Variants in CYP1B1 observed in about 807,000 individuals in gnomAD.
The protein encoded by CYP1B1 is cytochrome P450 family 1 subfamily B member 1.
A neutral mutation model predicts 29.9 loss-of-function variants in CYP1B1; 22 were observed. The ratio of observed to expected loss-of-function variants is 0.74; its 90% CI spans 0.53 to 1.05. The LOEUF (loss-of-function observed/expected upper bound fraction) is 1.05. CYP1B1 is among the 50% of genes least tolerant of loss of function. The probability of loss-of-function intolerance (pLI) is 0.00; values close to 1 mark genes in which losing one functional copy is unlikely to be tolerated. For missense variants in CYP1B1, 883 were observed against 746.9 expected, an observed-to-expected ratio of 1.18 and a Z score of -2.12; for synonymous variants, 375 against 320.0, an observed-to-expected ratio of 1.17 and a Z score of -1.83.
At chr2:38,073,164 C>T (rs1174661577) in intron 2 of CYP1B1, among the ~76,000 whole-genome samples, 1 of 152,144 alleles carries the variant, frequency 6.6e-6, no homozygotes, top group Non-Finnish European at 1.5e-5. Context: ...GATTTTAATA[C>T]TAAAAAGCCA....
Position 38,074,375 on chromosome 2 carries a change from C to G in CYP1B1, c.1014G>C (p.Ala338=), listed in dbSNP as rs967256395. 1.2e-6 allele frequency: 2 copies of G among 1,613,618 alleles called. No individual in the cohort carries two copies. Among genetic ancestry groups the G allele is most frequent in the Admixed American group, 3.3e-5 (2 of 60,026 alleles). ...FGASQDTLST[A]LQWLLLLFTR... ...TGAAGAGGAGGAGCAGCCACTGCAG[C>G]GCGGTGGACAGGGTGTCCTGGCTGG... is the stretch of plus-strand genomic sequence containing the variant. Residue 338 remains alanine (A), a synonymous_variant, in exon 2 of 3, where the codon GCG becomes GCC. Transcript: ENST00000610745.
chr2:38,070,464 A>T lies in CYP1B1; in HGVS notation c.*258T>A, dbSNP rs745776840. 1.3e-4 allele frequency: 66 copies of T among 515,354 alleles called. No individual in the cohort carries two copies. The highest frequency in any genetic ancestry group is 2.1e-4 in the Non-Finnish European group (59 of 286,662). 31.9% of individuals were successfully genotyped at this position (515,354 alleles called of 1,614,324 possible). ...AATGCTACCTTCAGAAATAACCAAGATGCAGTATGTATATAATAATTCATT... is the reference window on the plus strand; with the variant it reads ...AATGCTACCTTCAGAAATAACCAAGTTGCAGTATGTATATAATAATTCATT... On this transcript the variant is annotated 3_prime_UTR_variant, in exon 3 of 3. Transcript: ENST00000610745.
At position 38,068,062 on chromosome 2, in the gene CYP1B1, A is replaced by G. The variant is rs886055987; in HGVS notation, c.*2660T>C. ...ACATCTTTTTGTTTTGGAAAAAAGC[A>G]ATTTGCTTATAGAGTCAAAGCTTTG... On this transcript the variant is annotated 3_prime_UTR_variant, in exon 3 of 3. Transcript: ENST00000610745. The G allele has an allele frequency of 4.0e-5, 8 of 202,514 alleles. No individual in the cohort carries two copies. Among genetic ancestry groups the G allele is most frequent in the Non-Finnish European group, 7.1e-5 (7 of 98,228 alleles). 12.5% of individuals were successfully genotyped at this position (202,514 alleles called of 1,614,324 possible).
rs369311647 is a variant in CYP1B1 at position 38,070,900 on chromosome 2, G to C, written c.1454C>G (p.Ser485Cys). ...GAAATCGCACTGGTGAGCCAGGATG[G>C]AGATGAAGAGAAAAAGCTGCATCTT... Reference protein sequence around the residue: ...LSKMQLFLFISILAHQCDFRA... With the variant: ...LSKMQLFLFICILAHQCDFRA... Residue 485 changes from serine to cysteine, a missense_variant, in exon 3 of 3, where the codon TCC becomes TGC. Transcript: ENST00000610745. 32 of 1,614,042 alleles carry C rather than the reference G, an allele frequency of 2.0e-5. No individual in the cohort carries two copies. The highest frequency in any genetic ancestry group is 1.8e-5 in the Non-Finnish European group (21 of 1,180,036).
Position 38,075,100 on chromosome 2 carries a change from G to C in CYP1B1, c.289C>G (p.Leu97Val). 1.9e-6 allele frequency: 3 copies of C among 1,581,046 alleles called. No individual in the cohort carries two copies. Among genetic ancestry groups the C allele is most frequent in the Middle Eastern group, 1.7e-4 (1 of 6,018 alleles). The change falls in exon 2 of 3, where the codon CTG becomes GTG. Residue 97 changes from leucine (L) to valine (V), a missense_variant. By Grantham distance (32) the Leu-to-Val change is conservative. Coordinates refer to ENST00000610745, the MANE Select transcript of CYP1B1 (RefSeq NM_000104.4). ...TGGTGGATGGCGCGCTCGCCATTCA[G>C]CACCACTATGGGGCAGCTGCCCAGG... ...IRLGSCPIVV[L>V]NGERAIHQAL...
intron 2 of CYP1B1, among the ~76,000 whole-genome samples, chr2:38,072,638 C>T (rs1271142541): frequency 2.6e-5 from 4 of 152,168 alleles, no homozygotes; most frequent in African/African-American, 7.2e-5. Context: ...TTTAGAATCG[C>T]TTCTTCAACA....
rs1191592667 is a variant in CYP1B1, at chr2:38,069,600, T to G, written c.*1122A>C. On this transcript the variant is annotated 3_prime_UTR_variant, in exon 3 of 3. Coordinates refer to ENST00000610745, the MANE Select transcript of CYP1B1 (RefSeq NM_000104.4). ...ATGTTATAAAAATAAGAACACATCT[T>G]AGGATCTAATTTTGAGATTCGCCAA... 5.0e-6 allele frequency: 1 copy of G among 198,266 alleles called. No homozygotes were observed. Among genetic ancestry groups the G allele is most frequent in the East Asian group, 7.9e-5 (1 of 12,602 alleles). The allele number at this position is 198,266 out of a possible 1,614,324, so 12.3% of individuals were successfully genotyped here. A position where few individuals can be genotyped will look rare whatever the true frequency, so the allele number is the denominator to read the frequency against.
rs764499798 is a variant in CYP1B1, at chr2:38,071,249, G to A, written c.1105C>T (p.Leu369=). The stretch of plus-strand genomic sequence containing the variant: ...TTGGGCTGGTCACCCATACAAGGCA[G>A]ACGGTCCCTCCCCACGACCTGATCC... ...ELDQVVGRDR[L]PCMGDQPNLP... Residue 369 remains leucine, a synonymous_variant, in exon 3 of 3, where the codon CTG becomes TTG. Coordinates refer to ENST00000610745, the MANE Select transcript of CYP1B1 (RefSeq NM_000104.4). 7.4e-6 allele frequency: 12 copies of A among 1,613,034 alleles called. No individual in the cohort carries two copies. The highest frequency in any genetic ancestry group is 1.7e-6 in the Non-Finnish European group (2 of 1,180,056).
rs971335765 is a variant in CYP1B1, at chr2:38,070,883, A to G, written c.1471T>C (p.Cys491Arg). Residue 491 changes from cysteine (C) to arginine (R), a missense_variant, in exon 3 of 3, where the codon TGC becomes CGC. Cys to Arg is a radical substitution (Grantham distance 180, BLOSUM62 -3). Transcript: ENST00000610745. ...TCATTTGGGTTGGCCCTGAAATCGC[A>G]CTGGTGAGCCAGGATGGAGATGAAG... ...FLFISILAHQ[C>R]DFRANPNEPA... 6.2e-7 allele frequency: 1 copy of G among 1,614,172 alleles called. No homozygotes were observed. The highest frequency in any genetic ancestry group is 8.5e-7 in the Non-Finnish European group (1 of 1,180,020).
Position 38,074,816 on chromosome 2 carries a change from G to A in CYP1B1, c.573C>T (p.Leu191=), listed in dbSNP as rs1446740845. ...CCACGACGGTCAGCGGCCTCGGGTC[G>A]AGGAAGGCGCCGTCCGCGCTGCCGC... is the stretch of plus-strand genomic sequence containing the variant. ...LVRGSADGAF[L]DPRPLTVVAV... Residue 191 remains leucine, a synonymous_variant, in exon 2 of 3, where the codon CTC becomes CTT. Coordinates refer to ENST00000610745, the MANE Select transcript of CYP1B1 (RefSeq NM_000104.4). 1.3e-6 allele frequency: 2 copies of A among 1,574,102 alleles called. No individual in the cohort carries two copies. The highest frequency in any genetic ancestry group is 1.8e-5 in the Admixed American group (1 of 54,700).
In CYP1B1 at chr2:38,074,896, C is replaced by T; in HGVS notation, c.493G>A (p.Val165Ile). The T allele has an allele frequency of 1.3e-6, 2 of 1,556,420 alleles. No individual in the cohort carries two copies. The highest frequency in any genetic ancestry group is 1.7e-6 in the Non-Finnish European group (2 of 1,154,372). Residue 165 changes from valine (V) to isoleucine (I), a missense_variant, in exon 2 of 3, where the codon GTC becomes ATC. Coordinates refer to ENST00000610745, the MANE Select transcript of CYP1B1 (RefSeq NM_000104.4). ...TCGCTCAGCACGTGGCCCTCGAGGA[C>T]TTGGCGGCTGCGCGGCTGGCGCGTG... ...FFTRQPRSRQVLEGHVLSEAR... is the reference protein window; with the variant it reads ...FFTRQPRSRQILEGHVLSEAR...
At position 38,074,901 on chromosome 2, in the gene CYP1B1, C is replaced by A. The variant is rs1682501221; in HGVS notation, c.488G>T (p.Arg163Leu). The A allele has an allele frequency of 1.3e-6, 2 of 1,554,082 alleles. No homozygotes were observed. The highest frequency in any genetic ancestry group is 1.7e-6 in the Non-Finnish European group (2 of 1,154,046). ...CAGCACGTGGCCCTCGAGGACTTGG[C>A]GGCTGCGCGGCTGGCGCGTGAAGAA... is the stretch of plus-strand genomic sequence containing the variant. Reference protein sequence around the residue: ...RNFFTRQPRSRQVLEGHVLSE... With the variant: ...RNFFTRQPRSLQVLEGHVLSE... The change falls in exon 2 of 3, where the codon CGC becomes CTC. Residue 163 changes from arginine (R) to leucine (L), a missense_variant. Arg to Leu is a moderately radical substitution (Grantham distance 102). Coordinates refer to ENST00000610745, the MANE Select transcript of CYP1B1 (RefSeq NM_000104.4).
intron 2 of CYP1B1, chr2:38,073,912 C>A (rs1682476535): frequency 6.1e-6 from 1 of 164,142 alleles, no homozygotes; most frequent in Non-Finnish European, 1.3e-5. Context: ...GGATGCACGC[C>A]GAGGACTAGC....
At position 38,075,082 on chromosome 2, in the gene CYP1B1, TGGCGCGCTCG is replaced by T. The variant is rs1682507060; in HGVS notation, c.297_306del (p.Glu100SerfsTer49). 6.3e-7 allele frequency: 1 copy of T among 1,581,034 alleles called. No homozygotes were observed. Among genetic ancestry groups the T allele is most frequent in the Non-Finnish European group, 8.5e-7 (1 of 1,171,436 alleles). The stretch of plus-strand genomic sequence containing the variant: ...CCCTGCTGCACCAGGGCCTGGTGGA[TGGCGCGCTCG>T]CCATTCAGCACCACTATGGGGCAGC... On this transcript the variant is annotated frameshift_variant, in exon 2 of 3. Coordinates refer to ENST00000610745, the MANE Select transcript of CYP1B1 (RefSeq NM_000104.4). LOFTEE classifies it high-confidence loss of function.
rs762807102 is a variant in CYP1B1 at position 38,075,139 on chromosome 2, C to T, written c.250G>A (p.Val84Ile). 3.8e-6 allele frequency: 6 copies of T among 1,576,418 alleles called. No individual in the cohort carries two copies. The highest frequency in any genetic ancestry group is 4.3e-6 in the Non-Finnish European group (5 of 1,168,922). ...CAGCTGCCCAGGCGGATCTGGAAAA[C>T]GTCGCCGTAGCGCCGCGCCAGGCGA... ...FARLARRYGDVFQIRLGSCPI... is the reference protein window; with the variant it reads ...FARLARRYGDIFQIRLGSCPI... The change falls in exon 2 of 3, where the codon GTT becomes ATT. Residue 84 changes from valine (V) to isoleucine (I), a missense_variant. By Grantham distance (29) the Val-to-Ile change is conservative (BLOSUM62 3). Transcript: ENST00000610745.
chr2:38,071,043 C>G lies in CYP1B1; in HGVS notation c.1311G>C (p.Pro437=). Residue 437 remains proline (P), a synonymous_variant, in exon 3 of 3, where the codon CCG becomes CCC. Transcript: ENST00000610745. The part of the protein sequence containing the change: ...VNHDPLKWPN[P]ENFDPARFLD... Reference sequence around the variant, plus strand: ...AGAATCGAGCTGGATCAAAGTTCTCCGGGTTAGGCCACTTCAGTGGGTCAT... The same window carrying G: ...AGAATCGAGCTGGATCAAAGTTCTCGGGGTTAGGCCACTTCAGTGGGTCAT... The G allele has an allele frequency of 6.2e-7, 1 of 1,614,042 alleles. No individual in the cohort carries two copies. The highest frequency in any genetic ancestry group is 1.1e-5 in the South Asian group (1 of 91,074).
Position 38,071,217 on chromosome 2 carries a change from G to A in CYP1B1, c.1137C>T (p.Pro379=). 1.2e-6 allele frequency: 2 copies of A among 1,613,344 alleles called. No homozygotes were observed. The highest frequency in any genetic ancestry group is 2.2e-5 in the South Asian group (2 of 91,082). ...LPCMGDQPNL[P]YVLAFLYEAM... is the part of the protein sequence containing the mutation. ...CTTCATAAAGGAAGGCCAGGACATA[G>A]GGCAGGTTGGGCTGGTCACCCATAC... The change falls in exon 3 of 3, where the codon CCC becomes CCT. Residue 379 remains proline, a synonymous_variant. Transcript: ENST00000610745.
rs779403682 is a variant in CYP1B1 at position 38,074,469 on chromosome 2, T to G, written c.920A>C (p.Asp307Ala). Residue 307 changes from aspartate (D) to alanine (A), a missense_variant, in exon 2 of 3, where the codon GAC (aspartate) becomes GCC (alanine). Transcript: ENST00000610745. ...CAGCCGCGCGCCACCACCGTGCGAG[T>G]CCCCGGCCGCCTTCTTTTCCGCAGA... ...ILSAEKKAAG[D>A]SHGGGARLDL... 6.2e-7 allele frequency: 1 copy of G among 1,612,432 alleles called. No homozygotes were observed. Among genetic ancestry groups the G allele is most frequent in the South Asian group, 1.1e-5 (1 of 90,876 alleles).
At chr2:38,075,668 G>T in intron 1 of CYP1B1, 112 bp downstream of exon 1, 1 of 552,654 alleles carries the variant, frequency 1.8e-6, no homozygotes, top group African/African-American at 1.9e-5. Context: ...CAACGCTGCG[G>T]GCATCGAGGC....
Sources: gnomAD v4.1 joint callset for allele counts (sites outside exome capture counted in the v4.1 genomes callset) on GRCh38, gnomAD v4.1.1 for gene constraint, MANE v1.5 for transcripts, NCBI Gene and HGNC (gene_info 2026-07-23, HGNC 2026-07-21) for gene names.